Variants in STXBP6 observed in about 807,000 individuals in gnomAD.
STXBP6 encodes the protein syntaxin-binding protein 6.
Under a neutral mutation model 26.9 loss-of-function variants are expected in STXBP6, and 21 were observed. The observed-to-expected ratio is 0.78, with a 90% confidence interval of 0.55 to 1.12. STXBP6 has a LOEUF of 1.12. STXBP6 is among the 50% of genes most tolerant of loss of function. STXBP6 has a pLI of 0.00. For missense variants in STXBP6, 232 were observed against 257.9 expected (o/e 0.90, Z 0.69); for synonymous variants, 97 against 92.6 (o/e 1.05, Z -0.27).
chr14:24,907,405 G>A (rs2071420849), intron 2 of STXBP6, among the ~76,000 whole-genome samples: 1 of 152,172 alleles, frequency 6.6e-6, no homozygotes, highest in South Asian at 2.1e-4. Flanking sequence ...AGTGCAAAGA[G>A]CATTAAAAGA....
chr14:24,816,190 T>C (rs2067969533), intron 5 of STXBP6: 1 of 152,186 alleles, frequency 6.6e-6, no homozygotes, highest in Non-Finnish European at 1.5e-5. Context: ...TGCCATGTGT[T>C]CTGGCCCCCA....
chr14:24,857,177 C>A lies in STXBP6; in HGVS notation c.155-20G>T. 1.2e-6 allele frequency: 2 copies of A among 1,612,132 alleles called. No homozygotes were observed. Among genetic ancestry groups the A allele is most frequent in the South Asian group, 2.2e-5 (2 of 90,956 alleles). On this transcript the variant is annotated intron_variant, in intron 2 of 5. Coordinates refer to ENST00000323944, the MANE Select transcript of STXBP6 (RefSeq NM_001394410.1). ...TTGTCACTGCCAAGAAAAGATCACT[C>A]AGATTAGTGCACCTGCAAGTTGGTG...
chr14:25,028,662 A>G (rs187717700), intron 1 of STXBP6, among the ~76,000 whole-genome samples: 3 of 152,308 alleles, frequency 2.0e-5, no homozygotes, highest in African/African-American at 7.2e-5. Flanking sequence ...TCTACTTTCA[A>G]GTCCTATTAT....
chr14:25,025,387 T>C (rs1391569031), intron 1 of STXBP6, among the ~76,000 whole-genome samples: 3 of 152,124 alleles, frequency 2.0e-5, no homozygotes, highest in African/African-American at 7.2e-5. Flanking sequence ...AAGGCTGCCT[T>C]TGTGTCAAAG....
chr14:25,037,198 G>A (rs1018122515), intron 1 of STXBP6, among the ~76,000 whole-genome samples: 3 of 152,138 alleles, frequency 2.0e-5, no homozygotes, highest in African/African-American at 4.8e-5. Flanking sequence ...GGCCACCTAG[G>A]ACTCCTGTCT....
intron 4 of STXBP6, among the ~76,000 whole-genome samples, chr14:24,829,983 T>G (rs1375823961): frequency 6.6e-6 from 1 of 152,128 alleles, no homozygotes; most frequent in East Asian, 1.9e-4. Flanking sequence ...GGGACTGACT[T>G]AGAATCAGTT....
intron 1 of STXBP6, among the ~76,000 whole-genome samples, chr14:25,025,837 A>AT (rs2075339661): frequency 6.6e-6 from 1 of 152,190 alleles, no homozygotes; most frequent in African/African-American, 2.4e-5. Context: ...AAATTCAATC[A>AT]TTCCATTTCC....
chr14:24,932,687 A>G (rs2072459851), intron 2 of STXBP6, among the ~76,000 whole-genome samples: 1 of 152,190 alleles, frequency 6.6e-6, no homozygotes, highest in Non-Finnish European at 1.5e-5. Flanking sequence ...TAGCAGTTAA[A>G]TGGATAGAAA....
intron 2 of STXBP6, among the ~76,000 whole-genome samples, chr14:24,864,725 A>T (rs945679061): frequency 6.6e-6 from 1 of 152,310 alleles, no homozygotes; most frequent in African/African-American, 2.4e-5. Flanking sequence ...TGGAAAAATC[A>T]AAGCTGTTAT....
At chr14:24,984,533 G>A (rs1012520918) in intron 1 of STXBP6, among the ~76,000 whole-genome samples, 7 of 152,262 alleles carry the variant, frequency 4.6e-5, no homozygotes, top group African/African-American at 1.7e-4. Context: ...TGAGGTTTAT[G>A]AACACTTCTG....
At chr14:24,921,267 T>TA (rs1377882757) in intron 2 of STXBP6, among the ~76,000 whole-genome samples, 2 of 152,148 alleles carry the variant, frequency 1.3e-5, no homozygotes, top group Non-Finnish European at 2.9e-5. Flanking sequence ...ACCATTCCAT[T>TA]AATCAACACA....
chr14:24,877,382 T>A (rs777303468), intron 2 of STXBP6, among the ~76,000 whole-genome samples: 11 of 152,242 alleles, frequency 7.2e-5, no homozygotes, highest in Non-Finnish European at 1.3e-4. Context: ...TCTGTGTCCA[T>A]CTACTCCTTT....
At chr14:25,015,068 C>T (rs527749127) in intron 1 of STXBP6, among the ~76,000 whole-genome samples, 10 of 152,044 alleles carry the variant, frequency 6.6e-5, no homozygotes, top group South Asian at 4.2e-4. Context: ...CTTAGATAAA[C>T]GAACAGTATT....
At chr14:24,880,898 G>C (rs1441958297) in intron 2 of STXBP6, among the ~76,000 whole-genome samples, 1 of 152,196 alleles carries the variant, frequency 6.6e-6, no homozygotes, top group Non-Finnish European at 1.5e-5. Flanking sequence ...GGTCAGATGA[G>C]TCACATTTCA....
chr14:24,848,340 ATGC>A (rs1243647012), intron 4 of STXBP6, among the ~76,000 whole-genome samples: 17 of 152,238 alleles, frequency 1.1e-4, no homozygotes, highest in African/African-American at 4.1e-4. Context: ...CTAATGAGTG[ATGC>A]TGTCAAAGAG....
At chr14:24,905,908 A>C (rs191592161) in intron 2 of STXBP6, among the ~76,000 whole-genome samples, 10 of 152,294 alleles carry the variant, frequency 6.6e-5, no homozygotes, top group Admixed American at 5.9e-4. Flanking sequence ...AATGGGAGAT[A>C]AATTGTGGGC....
intron 4 of STXBP6, among the ~76,000 whole-genome samples, chr14:24,849,358 A>T (rs2139105436): frequency 6.6e-6 from 1 of 152,256 alleles, no homozygotes; most frequent in African/African-American, 2.4e-5. Flanking sequence ...AGAACTTTCA[A>T]ACATAATTTT....
At chr14:24,944,366 A>G (rs547700168) in intron 2 of STXBP6, among the ~76,000 whole-genome samples, 3 of 152,186 alleles carry the variant, frequency 2.0e-5, no homozygotes, top group South Asian at 4.1e-4. Context: ...CATCCAAGGA[A>G]AAAATTCTAA....
intron 1 of STXBP6, among the ~76,000 whole-genome samples, chr14:24,981,652 C>T (rs750706636): frequency 3.3e-5 from 5 of 152,054 alleles, no homozygotes; most frequent in Non-Finnish European, 7.4e-5. Context: ...AATTCCTCTC[C>T]AACAGAGATT....
Sources: gnomAD v4.1 joint callset for allele counts (sites outside exome capture counted in the v4.1 genomes callset) on GRCh38, gnomAD v4.1.1 for gene constraint, MANE v1.5 for transcripts, NCBI Gene and HGNC (gene_info 2026-07-23, HGNC 2026-07-21) for gene names.